The following CCSER1 variants were observed in gnomAD, a reference collection of about 807,000 sequenced individuals.
The protein encoded by CCSER1 is serine-rich coiled-coil domain-containing protein 1.
Under a neutral mutation model 82.0 loss-of-function variants are expected in CCSER1, and 41 were observed. The observed-to-expected ratio is 0.50, with a 90% confidence interval of 0.39 to 0.65. CCSER1 has a LOEUF of 0.65. CCSER1 is among the 30% of genes least tolerant of loss of function. CCSER1 has a pLI of 0.00. For missense variants in CCSER1, 1,119 were observed against 1,064.2 expected, an observed-to-expected ratio of 1.05 and a Z score of -0.72; for synonymous variants, 414 against 383.9, an observed-to-expected ratio of 1.08 and a Z score of -0.92.
intron 1 of CCSER1, among the ~76,000 whole-genome samples, chr4:90,164,258 GT>G (rs200535473): frequency 0.28 from 41,256 of 145,074 alleles, 7,088 homozygotes; most frequent in East Asian, 0.64. Flanking sequence ...CATTCTTAAG[GT>G]TTTTTTTTTT....
At chr4:91,257,750 G>A (rs1159230244) in intron 10 of CCSER1, among the ~76,000 whole-genome samples, 1 of 151,988 alleles carries the variant, frequency 6.6e-6, no homozygotes, top group Non-Finnish European at 1.5e-5. Flanking sequence ...AATTAGAATG[G>A]TTCACCTTAG....
chr4:90,645,536 C>T (rs559721916), intron 6 of CCSER1, among the ~76,000 whole-genome samples: 29 of 152,208 alleles, frequency 1.9e-4, no homozygotes, highest in African/African-American at 5.8e-4. Flanking sequence ...ATTTTAATTG[C>T]GTATTCTCAG....
intron 8 of CCSER1, among the ~76,000 whole-genome samples, chr4:90,845,862 G>GATGGCA (rs1291718916): frequency 6.6e-6 from 1 of 150,580 alleles, no homozygotes; most frequent in Non-Finnish European, 1.5e-5. Context: ...AACTTGAAGT[G>GATGGCA]ATGGCAATGG....
intron 9 of CCSER1, among the ~76,000 whole-genome samples, chr4:91,021,603 A>C (rs1739973199): frequency 6.6e-6 from 1 of 152,202 alleles, no homozygotes; most frequent in South Asian, 2.1e-4. Flanking sequence ...TTCAATAGAA[A>C]TATTTTATGA....
chr4:91,244,113 T>C (rs1004337581), intron 10 of CCSER1, among the ~76,000 whole-genome samples: 1 of 152,168 alleles, frequency 6.6e-6, no homozygotes, highest in South Asian at 2.1e-4. Context: ...AATGAACATT[T>C]GTGGTGGCCT....
chr4:90,456,440 C>G (rs373163990), intron 4 of CCSER1, among the ~76,000 whole-genome samples: 35 of 152,304 alleles, frequency 2.3e-4, no homozygotes, highest in East Asian at 1.5e-3. Flanking sequence ...ATAGGAAAGA[C>G]TGGAGGTCCT....
chr4:90,648,567 G>A (rs1457097555), intron 6 of CCSER1, among the ~76,000 whole-genome samples: 2 of 57,780 alleles, frequency 3.5e-5, no homozygotes, highest in Admixed American at 1.6e-4. Context: ...GTTAAATGAG[G>A]TTATAAGAGT....
chr4:91,329,916 C>T (rs1435561783), intron 10 of CCSER1, among the ~76,000 whole-genome samples: 1 of 151,966 alleles, frequency 6.6e-6, no homozygotes, highest in Non-Finnish European at 1.5e-5. Context: ...ATATTTGCTA[C>T]TTTTATTAGT....
chr4:91,354,291 G>A (rs984261798), intron 10 of CCSER1, among the ~76,000 whole-genome samples: 7 of 152,184 alleles, frequency 4.6e-5, no homozygotes, highest in Admixed American at 1.3e-4. Context: ...TTCATTTTTC[G>A]TGGGAAGCAT....
At chr4:90,140,645 A>G (rs1467512064) in intron 1 of CCSER1, among the ~76,000 whole-genome samples, 1 of 96,996 alleles carries the variant, frequency 1.0e-5, no homozygotes, top group Non-Finnish European at 2.3e-5. Context: ...CCAATCAGGT[A>G]TTTTTGGTCT....
At chr4:90,400,590 A>G (rs1291657080) in intron 4 of CCSER1, among the ~76,000 whole-genome samples, 1 of 152,144 alleles carries the variant, frequency 6.6e-6, no homozygotes, top group Non-Finnish European at 1.5e-5. Flanking sequence ...CAAAAGTACT[A>G]ATTACCAGTA....
At chr4:91,070,804 C>T (rs554698685) in intron 9 of CCSER1, among the ~76,000 whole-genome samples, 65 of 152,174 alleles carry the variant, frequency 4.3e-4, no homozygotes, top group Non-Finnish European at 3.1e-4. Context: ...GGTTGGGAAC[C>T]GCCGCTCTAC....
At chr4:91,107,704 C>G (rs1270252078) in intron 10 of CCSER1, among the ~76,000 whole-genome samples, 1 of 148,942 alleles carries the variant, frequency 6.7e-6, no homozygotes, top group African/African-American at 2.5e-5. Context: ...CACCATTTAG[C>G]CTATCTTTTA....
intron 6 of CCSER1, among the ~76,000 whole-genome samples, chr4:90,691,037 G>A (rs937109002): frequency 6.6e-6 from 1 of 152,032 alleles, no homozygotes; most frequent in African/African-American, 2.4e-5. Context: ...TAGTTCATGT[G>A]TAAGATGGTT....
intron 10 of CCSER1, among the ~76,000 whole-genome samples, chr4:91,406,417 G>C (rs1412740910): frequency 6.6e-6 from 1 of 151,968 alleles, no homozygotes; most frequent in Non-Finnish European, 1.5e-5. Context: ...TGTTTCTTAG[G>C]ATTCAATGTG....
At chr4:91,054,263 A>G (rs986789711) in intron 9 of CCSER1, among the ~76,000 whole-genome samples, 1 of 152,188 alleles carries the variant, frequency 6.6e-6, no homozygotes, top group Non-Finnish European at 1.5e-5. Context: ...GCCAGGCACC[A>G]ATTTAATCTC....
At chr4:90,915,697 T>C (rs1228786913) in intron 8 of CCSER1, among the ~76,000 whole-genome samples, 1 of 139,688 alleles carries the variant, frequency 7.2e-6, no homozygotes, top group Non-Finnish European at 1.5e-5. Context: ...ATAAAGGGTA[T>C]TCAATTAGGA....
chr4:90,916,888 A>G (rs1376265220), intron 8 of CCSER1, among the ~76,000 whole-genome samples: 3 of 139,174 alleles, frequency 2.2e-5, no homozygotes, highest in African/African-American at 6.0e-5. Context: ...GAAGACGTCT[A>G]TACAGTTAAG....
At chr4:91,534,369 A>T (rs1761193231) in intron 10 of CCSER1, among the ~76,000 whole-genome samples, 1 of 151,970 alleles carries the variant, frequency 6.6e-6, no homozygotes. Flanking sequence ...TCTAAATTTA[A>T]TGTTCTTGGA....
Sources: allele counts gnomAD v4.1 joint callset (sites outside exome capture counted in the v4.1 genomes callset), GRCh38; gene constraint gnomAD v4.1.1; transcripts MANE v1.5; gene names NCBI Gene and HGNC (gene_info 2026-07-23, HGNC 2026-07-21).